The following TGFBI variants were observed in gnomAD, a reference collection of about 807,000 sequenced individuals.
TGFBI encodes the protein transforming growth factor-beta-induced protein ig-h3.
A neutral mutation model predicts 73.7 loss-of-function variants in TGFBI; 50 were observed. That is an observed-to-expected ratio of 0.68 (90% CI 0.54 to 0.86). The LOEUF (loss-of-function observed/expected upper bound fraction) is 0.86, where lower values mean the gene tolerates loss of function less well. Among genes scored for constraint, TGFBI ranks in the 40% least tolerant of loss-of-function variants. The pLI is 0.00. For missense variants in TGFBI, 839 were observed against 877.0 expected, an observed-to-expected ratio of 0.96 and a Z score of 0.55; for synonymous variants, 362 against 360.5, an observed-to-expected ratio of 1.00 and a Z score of -0.05.
chr5:136,054,608 G>GT, intron 9 of TGFBI, 108 bp from the exon 10 acceptor site: 1 of 1,476,512 alleles, frequency 6.8e-7, no homozygotes, highest in Non-Finnish European at 9.5e-7. Flanking sequence ...CTCAATCCCT[G>GT]TTTCCAAACT....
chr5:136,060,780 A>G lies in TGFBI; in HGVS notation c.1804-54A>G, dbSNP rs1580723370. ...CTTGCTGAATGAATAAAATAAATAT[A>G]TAAATGTATAAATAAATGCTCTACT... On this transcript the variant is annotated intron_variant, in intron 13 of 16. Coordinates refer to ENST00000442011, the MANE Select transcript of TGFBI (RefSeq NM_000358.3). The G allele has an allele frequency of 8.3e-6, 11 of 1,318,378 alleles. No homozygotes were observed. In the East Asian group the frequency reaches 2.6e-4, roughly 31 times the overall value. The allele number at this position is 1,318,378 out of a possible 1,614,324, so 81.7% of individuals were successfully genotyped here. A position where few individuals can be genotyped will look rare whatever the true frequency, so the allele number is the denominator to read the frequency against.
At chr5:136,058,431 G>A (rs575727084) in intron 12 of TGFBI, among the ~76,000 whole-genome samples, 94 of 152,282 alleles carry the variant, frequency 6.2e-4, no homozygotes, top group African/African-American at 2.2e-3. Context: ...ACCTTTATGG[G>A]CAACCAGATG....
At chr5:136,036,194 C>T (rs1580709198) in intron 2 of TGFBI, among the ~76,000 whole-genome samples, 1 of 152,198 alleles carries the variant, frequency 6.6e-6, no homozygotes, top group East Asian at 1.9e-4. Context: ...AAGGGGAGTC[C>T]TCTAGGAAAA....
At chr5:136,046,536 A>G in intron 4 of TGFBI, 41 bp downstream of exon 4, 1 of 1,554,572 alleles carries the variant, frequency 6.4e-7, no homozygotes, top group East Asian at 2.4e-5. Flanking sequence ...CTTATGGGGA[A>G]CTGCCTTACT....
intron 15 of TGFBI, 68 bp from the exon 16 acceptor site, chr5:136,062,595 G>A: frequency 6.7e-7 from 1 of 1,495,146 alleles, no homozygotes; most frequent in Non-Finnish European, 9.1e-7. Context: ...AATGGGCAAA[G>A]CCATTGTCAT....
chr5:136,030,786 T>C (rs926983714), intron 1 of TGFBI, among the ~76,000 whole-genome samples: 1 of 152,194 alleles, frequency 6.6e-6, no homozygotes, highest in Admixed American at 6.5e-5. Flanking sequence ...CTATTTCTTC[T>C]GTATCTTCGC....
intron 3 of TGFBI, 85 bp downstream of exon 3, chr5:136,044,207 A>T: frequency 5.9e-6 from 7 of 1,180,422 alleles, no homozygotes; most frequent in Non-Finnish European, 8.8e-6. Context: ...AAGGCAGCAG[A>T]GTGTGAATGG....
chr5:136,030,882 T>C (rs1341524831), intron 1 of TGFBI, among the ~76,000 whole-genome samples: 2 of 152,164 alleles, frequency 1.3e-5, no homozygotes, highest in African/African-American at 4.8e-5. Context: ...CAGTGAAGGA[T>C]CCTCAAAGGT....
Position 136,061,545 on chromosome 5 carries a change from T to C in TGFBI, c.1952T>C (p.Leu651Pro), listed in dbSNP as rs1446255109. The change falls in exon 15 of 17, where the codon CTT (leucine) becomes CCT (proline). Residue 651 changes from leucine (L) to proline (P), a missense_variant. Physicochemically the swap from Leu to Pro is moderately conservative, Grantham distance 98. Transcript: ENST00000442011. ...ERGDELADSA[L>P]EIFKQASAFS... ...GGGGATGAACTTGCAGACTCTGCGC[T>C]TGAGATCTTCAAACAAGCATCAGCG... is the stretch of plus-strand genomic sequence containing the variant. 31 of 1,612,980 alleles carry C rather than the reference T, an allele frequency of 1.9e-5. No individual in the cohort carries two copies. Among genetic ancestry groups the C allele is most frequent in the Admixed American group, 3.3e-5 (2 of 59,928 alleles).
At chr5:136,054,679 A>G (rs1218153235) in intron 9 of TGFBI, 37 bp from the exon 10 acceptor site, 1 of 1,613,636 alleles carries the variant, frequency 6.2e-7, no homozygotes, top group African/African-American at 1.3e-5. Context: ...TTGCAGGAGC[A>G]CATCTCTCTG....
intron 2 of TGFBI, among the ~76,000 whole-genome samples, chr5:136,040,600 C>T (rs1312158031): frequency 6.6e-6 from 1 of 152,222 alleles, no homozygotes; most frequent in Non-Finnish European, 1.5e-5. Context: ...ATCCCTGGTG[C>T]CAAAAAGGTT....
chr5:136,051,753 G>T (rs892434759), intron 7 of TGFBI, among the ~76,000 whole-genome samples: 8 of 152,188 alleles, frequency 5.3e-5, no homozygotes, highest in Non-Finnish European at 7.3e-5. Flanking sequence ...GCCCTGGCAG[G>T]TTCCTCTACC....
At position 136,052,957 on chromosome 5, in the gene TGFBI, G is replaced by A. The variant is rs188428210; in HGVS notation, c.964G>A (p.Val322Ile). ...LKSAMCAEAI[V>I]AGLSVETLEG... ...GTCAGCTATGTGTGCTGAAGCCATC[G>A]TTGCGGGGCTGTCTGTAGAGACCCT... is the stretch of plus-strand genomic sequence containing the variant. Residue 322 changes from valine (V) to isoleucine (I), a missense_variant, in exon 8 of 17, where the codon GTT (valine) becomes ATT (isoleucine). By Grantham distance (29) the Val-to-Ile change is conservative. Coordinates refer to ENST00000442011, the MANE Select transcript of TGFBI (RefSeq NM_000358.3). 15 of 1,614,066 alleles carry A rather than the reference G, an allele frequency of 9.3e-6. No homozygotes were observed. The highest frequency in any genetic ancestry group is 4.5e-5 in the East Asian group (2 of 44,890).
At chr5:136,053,820 T>G in intron 8 of TGFBI, 123 bp from the exon 9 acceptor site, 3 of 1,413,050 alleles carry the variant, frequency 2.1e-6, no homozygotes, top group Non-Finnish European at 2.9e-6. Context: ...CCCAGCAGTG[T>G]TTAGAGGGGT....
intron 7 of TGFBI, among the ~76,000 whole-genome samples, chr5:136,050,589 C>A (rs1361821289): frequency 1.3e-5 from 2 of 152,210 alleles, no homozygotes; most frequent in Non-Finnish European, 2.9e-5. Flanking sequence ...CTGCCTGAGT[C>A]CCCTGAAATG....
intron 1 of TGFBI, 38 bp from the exon 2 acceptor site, chr5:136,033,725 G>A (rs1312075782): frequency 1.3e-6 from 2 of 1,579,080 alleles, no homozygotes. Flanking sequence ...GGGTGGACGT[G>A]CTGATCATCT....
intron 10 of TGFBI, 106 bp from the exon 11 acceptor site, chr5:136,055,574 C>T (rs1751614265): frequency 9.1e-7 from 1 of 1,093,226 alleles, no homozygotes; most frequent in African/African-American, 1.6e-5. Flanking sequence ...AGTGTATACT[C>T]CTTCATCTTC....
In TGFBI at chr5:136,049,434, C is replaced by A; in HGVS notation, c.772-5C>A. 2 of 1,613,578 alleles carry A rather than the reference C, an allele frequency of 1.2e-6. No homozygotes were observed. The highest frequency in any genetic ancestry group is 2.2e-5 in the South Asian group (2 of 91,062). On this transcript the variant is annotated splice_polypyrimidine_tract_variant and splice_region_variant and intron_variant, in intron 6 of 16. Coordinates refer to ENST00000442011, the MANE Select transcript of TGFBI (RefSeq NM_000358.3). The stretch of plus-strand genomic sequence containing the variant: ...GGAGCACTCCATCTTCTCTCCTCCC[C>A]ACAGGCTGCTGTGGCTGCATCAGGG...
Position 136,056,835 on chromosome 5 carries a change from G to A in TGFBI, c.1678+40G>A, listed in dbSNP as rs752441613. ...AAGTACACGTCTCCATTTTTCTAAA[G>A]TAGTGATCCCTCAGGGCCCCAGCAG... On this transcript the variant is annotated intron_variant, in intron 12 of 16. Coordinates refer to ENST00000442011, the MANE Select transcript of TGFBI (RefSeq NM_000358.3). The A allele has an allele frequency of 2.3e-5, 37 of 1,577,968 alleles. 1 individual carries two copies. Among genetic ancestry groups the A allele is most frequent in the Non-Finnish European group, 3.0e-5 (35 of 1,160,462 alleles).
Sources: allele counts gnomAD v4.1 joint callset (sites outside exome capture counted in the v4.1 genomes callset), GRCh38; gene constraint gnomAD v4.1.1; transcripts MANE v1.5; gene names NCBI Gene and HGNC (gene_info 2026-07-23, HGNC 2026-07-21).